CIMAP2: variants seen among roughly 807,000 people sequenced by gnomAD.
The protein encoded by CIMAP2 is ciliary microtubule-associated protein 2.
At chr1:54,842,105 C>T in the CIMAP2 span, 2 of 574,574 alleles carry the variant, frequency 3.5e-6, no homozygotes, top group Admixed American at 6.2e-5. Flanking sequence ...GATCAATTAT[C>T]CTGAGAACTC....
At chr1:54,816,812 G>A in the CIMAP2 span, among the ~76,000 whole-genome samples, 6 of 152,110 alleles carry the variant, frequency 3.9e-5, no homozygotes, top group African/African-American at 9.7e-5. Flanking sequence ...TTCCAAATAA[G>A]GTCACATTTT....
chr1:54,827,700 C>T, the CIMAP2 span, among the ~76,000 whole-genome samples: 1 of 152,230 alleles, frequency 6.6e-6, no homozygotes, highest in East Asian at 1.9e-4. Context: ...TACACTGCCC[C>T]TATCGATGCT....
the CIMAP2 span, among the ~76,000 whole-genome samples, chr1:54,813,064 C>T: frequency 1.1e-4 from 17 of 152,318 alleles, no homozygotes; most frequent in African/African-American, 4.1e-4. Flanking sequence ...GTCAAGGGAC[C>T]CTCCTCAGGC....
At chr1:54,842,195 C>T in the CIMAP2 span, 7 of 409,728 alleles carry the variant, frequency 1.7e-5, no homozygotes, top group Non-Finnish European at 2.6e-5. Context: ...CTTGTGGGAC[C>T]CTTTCTATTC....
the CIMAP2 span, among the ~76,000 whole-genome samples, chr1:54,826,691 C>T: frequency 4.8e-4 from 73 of 152,326 alleles, no homozygotes; most frequent in African/African-American, 9.6e-4. Context: ...GGAGCCTGTG[C>T]GGGGAATGTG....
At chr1:54,807,097 G>T in the CIMAP2 span, 2 of 1,605,812 alleles carry the variant, frequency 1.2e-6, no homozygotes, top group African/African-American at 2.7e-5. Flanking sequence ...AGTTTGCACA[G>T]CTTCCCTGAC....
At chr1:54,810,958 T>C in the CIMAP2 span, among the ~76,000 whole-genome samples, 1 of 152,350 alleles carries the variant, frequency 6.6e-6, no homozygotes, top group East Asian at 1.9e-4. Flanking sequence ...GGCCCGTCCA[T>C]GCTCTGTCTC....
the CIMAP2 span, among the ~76,000 whole-genome samples, chr1:54,834,869 G>C: frequency 2.2e-4 from 33 of 152,274 alleles, no homozygotes; most frequent in Admixed American, 1.8e-3. Context: ...TTGGATTTTA[G>C]ATTTTCAGAT....
chr1:54,828,698 C>T, the CIMAP2 span, among the ~76,000 whole-genome samples: 1 of 151,714 alleles, frequency 6.6e-6, no homozygotes, highest in Admixed American at 6.6e-5. Context: ...TACTAAGACC[C>T]CATTCTTATT....
At chr1:54,811,765 G>GCCGGGGGGGGGGGCGCCCCCCCCCC in the CIMAP2 span, 1 of 1,301,324 alleles carries the variant, frequency 7.7e-7, no homozygotes, top group Non-Finnish European at 1.1e-6. Context: ...GGTTCTGACA[G>GCCGGGGGGGGGGGCGCCCCCCCCCC]CCTCCATGCC....
the CIMAP2 span, among the ~76,000 whole-genome samples, chr1:54,815,545 C>T: frequency 6.6e-6 from 1 of 152,166 alleles, no homozygotes; most frequent in African/African-American, 2.4e-5. Flanking sequence ...CTTCTGGCCC[C>T]TTCCCTTTCC....
At chr1:54,840,048 C>A in the CIMAP2 span, among the ~76,000 whole-genome samples, 1 of 152,226 alleles carries the variant, frequency 6.6e-6, no homozygotes, top group Non-Finnish European at 1.5e-5. Context: ...CCACGCCCAG[C>A]CCAATTCTAT....
the CIMAP2 span, chr1:54,811,765 G>GCCGGGGGGGGGGCGGGCCCC: frequency 7.7e-7 from 1 of 1,301,330 alleles, no homozygotes; most frequent in Non-Finnish European, 1.1e-6. Flanking sequence ...GGTTCTGACA[G>GCCGGGGGGGGGGCGGGCCCC]CCTCCATGCC....
the CIMAP2 span, among the ~76,000 whole-genome samples, chr1:54,817,488 G>T: frequency 1.3e-5 from 2 of 152,266 alleles, no homozygotes; most frequent in African/African-American, 4.8e-5. Flanking sequence ...GGCTCTCAGT[G>T]GCTTCACCAC....
the CIMAP2 span, chr1:54,811,768 T>TGGGGGGGGGCCCCCCCCC: frequency 3.7e-6 from 2 of 533,354 alleles, no homozygotes; most frequent in Non-Finnish European, 7.4e-6. Context: ...TCTGACAGCC[T>TGGGGGGGGGCCCCCCCCC]CCATGCCCCC....
the CIMAP2 span, among the ~76,000 whole-genome samples, chr1:54,838,635 C>T: frequency 6.6e-6 from 1 of 152,110 alleles, no homozygotes; most frequent in East Asian, 1.9e-4. Flanking sequence ...CATAACAAAC[C>T]ACCCAGAAAC....
chr1:54,812,318 C>A, the CIMAP2 span: 2 of 1,336,332 alleles, frequency 1.5e-6, no homozygotes, highest in Non-Finnish European at 2.1e-6. Context: ...CCCCTCACTT[C>A]ACCCTCACAG....
chr1:54,832,661 G>A, the CIMAP2 span, among the ~76,000 whole-genome samples: 15 of 151,990 alleles, frequency 9.9e-5, no homozygotes, highest in African/African-American at 3.6e-4. Flanking sequence ...GAAACCAAAA[G>A]AAGCAATCAT....
the CIMAP2 span, among the ~76,000 whole-genome samples, chr1:54,829,825 A>G: frequency 6.6e-6 from 1 of 152,088 alleles, no homozygotes; most frequent in Non-Finnish European, 1.5e-5. Context: ...AAAGATTAAT[A>G]TATTCTTTTT....
Sources: allele counts gnomAD v4.1 joint callset (sites outside exome capture counted in the v4.1 genomes callset), GRCh38; gene constraint gnomAD v4.1.1; transcripts MANE v1.5; gene names NCBI Gene and HGNC (gene_info 2026-07-23, HGNC 2026-07-21).